The following FGF12 variants were observed in gnomAD, a reference collection of about 807,000 sequenced individuals.
FGF12 encodes fibroblast growth factor 12B.
FGF12 carries 14 observed loss-of-function variants against 23.6 expected under a neutral mutation model. The observed-to-expected ratio is 0.59, with a 90% confidence interval of 0.39 to 0.93. The LOEUF is 0.93. FGF12 is among the 40% of genes least tolerant of loss of function. The probability of loss-of-function intolerance (pLI) is 0.00; values close to 1 mark genes in which losing one functional copy is unlikely to be tolerated. For synonymous variants in FGF12, 62 were observed against 77.3 expected (o/e 0.80, Z 1.04); for missense variants, 175 against 217.8 (o/e 0.80, Z 1.24).
chr3:192,206,642 C>T (rs1017361788), intron 4 of FGF12, among the ~76,000 whole-genome samples: 3 of 152,106 alleles, frequency 2.0e-5, no homozygotes, highest in African/African-American at 7.2e-5. Context: ...AAACAAAACC[C>T]ACTCATATTT....
At chr3:192,352,907 C>T (rs1006785046) in intron 3 of FGF12, among the ~76,000 whole-genome samples, 1 of 152,192 alleles carries the variant, frequency 6.6e-6, no homozygotes, top group Admixed American at 6.5e-5. Flanking sequence ...CACTTTGAGA[C>T]TATCACACAG....
chr3:192,526,949 A>G (rs372268444), intron 2 of FGF12, among the ~76,000 whole-genome samples: 27 of 152,342 alleles, frequency 1.8e-4, no homozygotes, highest in African/African-American at 6.3e-4. Context: ...AAAAAATCCA[A>G]AAGAAATGCA....
At chr3:192,407,682 TGGGAGAGC>T (rs1307242010) in intron 2 of FGF12, among the ~76,000 whole-genome samples, 1 of 148,206 alleles carries the variant, frequency 6.7e-6, no homozygotes, top group Non-Finnish European at 1.5e-5. Context: ...GATGGATGGA[TGGGAGAGC>T]GGGAGAGAGA....
Position 192,408,903 on chromosome 3 carries a change from G to C in FGF12, c.14-48365C>G, listed in dbSNP as rs1014613865. 5 of 985,358 alleles carry C rather than the reference G, an allele frequency of 5.1e-6. No homozygotes were observed. The highest frequency in any genetic ancestry group is 5.2e-4 in the Middle Eastern group (1 of 1,912). The allele number at this position is 985,358 out of a possible 1,614,324, so 61.0% of individuals were successfully genotyped here. ...TGAGGTCTACAGAATGCATCGCGCC[G>C]GCTGCGGCTTTCCAGGGGCCGGCCA... On this transcript the variant is annotated intron_variant, in intron 2 of 5. Transcript: ENST00000445105. This position sits in a 1 kb window ranked among gnomAD's most constrained non-coding sequence, Gnocchi z 7.3.
intron 2 of FGF12, among the ~76,000 whole-genome samples, chr3:192,504,901 C>T (rs757479742): frequency 1.3e-5 from 2 of 151,996 alleles, no homozygotes; most frequent in Non-Finnish European, 1.5e-5. Flanking sequence ...AGGTGGATAG[C>T]CATCTGTTTG....
At chr3:192,393,316 C>T (rs2108763700) in intron 2 of FGF12, among the ~76,000 whole-genome samples, 1 of 152,288 alleles carries the variant, frequency 6.6e-6, no homozygotes, top group East Asian at 1.9e-4. Context: ...CAGTAGAATC[C>T]TACATTGACT....
chr3:192,324,781 A>G (rs538964048), intron 4 of FGF12, among the ~76,000 whole-genome samples: 44 of 152,336 alleles, frequency 2.9e-4, no homozygotes, highest in Non-Finnish European at 5.4e-4. Flanking sequence ...GTGGCTAATG[A>G]CAAGATGGAA....
At chr3:192,166,637 A>G (rs1164533891) in intron 5 of FGF12, among the ~76,000 whole-genome samples, 1 of 152,178 alleles carries the variant, frequency 6.6e-6, no homozygotes, top group Non-Finnish European at 1.5e-5. Flanking sequence ...AATGCGGATA[A>G]TACTGGAACC....
Position 192,437,579 on chromosome 3 carries a change from C to CAG in FGF12, c.14-77042_14-77041insCT, listed in dbSNP as rs564776635. Among the ~76,000 whole-genome samples the CAG allele has an allele frequency of 5.8e-3, 881 of 152,200 alleles. 8 individuals carry two copies. Among genetic ancestry groups the CAG allele is most frequent in the African/African-American group, 0.019 (795 of 41,530 alleles). ...TGGTGGTGGGTGCCTGTAATCCCAC[C>CAG]TACTCAGGAAGCTGAGGCAGAGAAC... On this transcript the variant is annotated intron_variant, in intron 2 of 5. Transcript: ENST00000445105.
At chr3:192,373,001 C>T (rs1719304539) in intron 2 of FGF12, among the ~76,000 whole-genome samples, 1 of 152,148 alleles carries the variant, frequency 6.6e-6, no homozygotes, top group Non-Finnish European at 1.5e-5. Flanking sequence ...GAAATAAATT[C>T]AAGTCACTGC....
At chr3:192,501,574 A>C (rs1209987261) in intron 2 of FGF12, among the ~76,000 whole-genome samples, 1 of 152,242 alleles carries the variant, frequency 6.6e-6, no homozygotes, top group Non-Finnish European at 1.5e-5. Flanking sequence ...CTACAAATAG[A>C]ATATTTCCAG....
At chr3:192,714,700 A>G (rs1360245257) in intron 2 of FGF12, among the ~76,000 whole-genome samples, 1 of 151,738 alleles carries the variant, frequency 6.6e-6, no homozygotes, top group African/African-American at 2.4e-5. Flanking sequence ...TTGTATTTTT[A>G]GTAGAGACGG....
chr3:192,345,399 T>C (rs1717905242), intron 3 of FGF12, among the ~76,000 whole-genome samples: 1 of 130,336 alleles, frequency 7.7e-6, no homozygotes, highest in Non-Finnish European at 1.5e-5. Context: ...TCTTAAGATA[T>C]AACATAGGCC....
chr3:192,399,696 C>A (rs1041306187), intron 2 of FGF12, among the ~76,000 whole-genome samples: 1 of 152,160 alleles, frequency 6.6e-6, no homozygotes, highest in East Asian at 1.9e-4. Flanking sequence ...GGCATTAGTA[C>A]GTTTAAAAAC....
intron 2 of FGF12, among the ~76,000 whole-genome samples, chr3:192,575,268 T>C (rs1255454148): frequency 1.3e-5 from 2 of 152,206 alleles, no homozygotes; most frequent in Non-Finnish European, 2.9e-5. Flanking sequence ...AATTTTATCA[T>C]GGTAATAGTT....
At chr3:192,513,839 A>G (rs1724568374) in intron 2 of FGF12, among the ~76,000 whole-genome samples, 2 of 152,234 alleles carry the variant, frequency 1.3e-5, no homozygotes, top group African/African-American at 4.8e-5. Flanking sequence ...TAGCCCTTGC[A>G]AGATTAATAG....
chr3:192,606,355 CA>C (rs1298290092), intron 2 of FGF12, among the ~76,000 whole-genome samples: 2 of 152,008 alleles, frequency 1.3e-5, no homozygotes, highest in Non-Finnish European at 2.9e-5. Flanking sequence ...CCGTAACTGA[CA>C]CTGAGGACTA....
chr3:192,661,537 A>G (rs1000624211), intron 2 of FGF12, among the ~76,000 whole-genome samples: 2 of 152,212 alleles, frequency 1.3e-5, no homozygotes, highest in Admixed American at 6.5e-5. Context: ...TAAAAATTAA[A>G]TCATTGATGT....
At chr3:192,431,650 A>G (rs944215314) in intron 2 of FGF12, among the ~76,000 whole-genome samples, 5 of 152,192 alleles carry the variant, frequency 3.3e-5, no homozygotes, top group African/African-American at 1.2e-4. Context: ...CAAGTTGCCC[A>G]ACTCAAGTAC....
Sources: gnomAD v4.1 joint callset for allele counts (sites outside exome capture counted in the v4.1 genomes callset) on GRCh38, gnomAD v4.1.1 for gene constraint, Gnocchi (gnomAD v3.1) non-coding constraint, MANE v1.5 for transcripts, NCBI Gene and HGNC (gene_info 2026-07-23, HGNC 2026-07-21) for gene names.